WASF1: variants seen among roughly 807,000 people sequenced by gnomAD.
WASF1 encodes actin-binding protein WASF1.
WASF1 carries 7 observed loss-of-function variants against 50.5 expected under a neutral mutation model. The ratio of observed to expected loss-of-function variants is 0.14; its 90% confidence interval spans 0.08 to 0.26. The LOEUF (loss-of-function observed/expected upper bound fraction) is 0.26. WASF1 is among the 10% of genes least tolerant of loss of function. WASF1 has a pLI of 1.00. For synonymous variants in WASF1, 205 were observed against 244.0 expected (o/e 0.84, Z 1.49); for missense variants, 470 against 694.7 (o/e 0.68, Z 3.64).
At chr6:110,172,074 C>T (rs955173529) in intron 2 of WASF1, among the ~76,000 whole-genome samples, 2 of 152,206 alleles carry the variant, frequency 1.3e-5, no homozygotes, top group African/African-American at 4.8e-5. Context: ...AACGCTTTTA[C>T]ACTGTTGGTG....
chr6:110,170,270 C>A (rs1776650736), intron 2 of WASF1, among the ~76,000 whole-genome samples: 1 of 151,926 alleles, frequency 6.6e-6, no homozygotes, highest in Non-Finnish European at 1.5e-5. Context: ...TCACTCAGAC[C>A]GGAGTATAGT....
chr6:110,124,288 A>ATC (rs1562170499), intron 4 of WASF1, among the ~76,000 whole-genome samples: 3 of 95,996 alleles, frequency 3.1e-5, no homozygotes, highest in Non-Finnish European at 5.6e-5. Flanking sequence ...ATATATATAT[A>ATC]TATATATATA....
In WASF1 at chr6:110,101,728, G is replaced by A. The variant is rs142151316; in HGVS notation, c.1382C>T (p.Thr461Ile). The A allele has an allele frequency of 1.3e-3, 2,176 of 1,614,180 alleles. 7 individuals are homozygous for A. The highest frequency in any genetic ancestry group is 9.7e-3 in the Middle Eastern group (59 of 6,060). Residue 461 changes from threonine to isoleucine, a missense_variant, in exon 10 of 11, where the codon ACT (threonine) becomes ATT (isoleucine). By Grantham distance (89) the Thr-to-Ile change is moderately conservative. Around this residue, in one of 3 missense-constraint regions of WASF1, gnomAD observed 294 missense variants for 343.5 expected, o/e 0.86. Transcript: ENST00000392589. Reference protein sequence around the residue: ...PPSGLHPTPSTAPGPHVPLMP... With the variant: ...PPSGLHPTPSIAPGPHVPLMP... ...TAATGGAACATGGGGACCTGGGGCAGTAGATGGAGTTGGATGTAGCCCAGA... is the reference window on the plus strand; with the variant it reads ...TAATGGAACATGGGGACCTGGGGCAATAGATGGAGTTGGATGTAGCCCAGA...
intron 2 of WASF1, chr6:110,177,275 CATA>C (rs1478561067): frequency 5.3e-5 from 8 of 151,964 alleles, no homozygotes; most frequent in African/African-American, 1.9e-4. Flanking sequence ...ATTATCAAGT[CATA>C]ATTTTTGTTT....
intron 2 of WASF1, among the ~76,000 whole-genome samples, chr6:110,174,987 G>A (rs142823948): frequency 2.4e-4 from 36 of 152,148 alleles, no homozygotes; most frequent in South Asian, 6.2e-4. Flanking sequence ...ACAACCAAAC[G>A]CTTACAACAA....
At position 110,101,698 on chromosome 6, in the gene WASF1, G is replaced by A. The variant is rs150788183; in HGVS notation, c.1412C>T (p.Pro471Leu). Residue 471 changes from proline (P) to leucine (L), a missense_variant, in exon 10 of 11, where the codon CCT becomes CTT. By Grantham distance (98) the Pro-to-Leu change is moderately conservative (BLOSUM62 -3). This residue lies in a region of WASF1 where 294 missense variants were observed against 343.5 expected (regional missense o/e 0.86). Transcript: ENST00000392589. ...TATAACTTGTGATGGAGGAGATGGA[G>A]GCATTAATGGAACATGGGGACCTGG... ...TAPGPHVPLM[P>L]PSPPSQVIPA... 2.5e-5 allele frequency: 41 copies of A among 1,614,168 alleles called. No individual in the cohort carries two copies. The East Asian group carries it at 8.2e-4, about 32-fold the overall frequency.
intron 2 of WASF1, among the ~76,000 whole-genome samples, chr6:110,167,290 CCTT>C (rs1020107107): frequency 9.2e-5 from 14 of 151,780 alleles, no homozygotes; most frequent in African/African-American, 3.4e-4. Flanking sequence ...ACACTGTACT[CCTT>C]CTACTTATTT....
chr6:110,144,546 T>C (rs1364670833), intron 3 of WASF1, among the ~76,000 whole-genome samples: 1 of 152,250 alleles, frequency 6.6e-6, no homozygotes. Flanking sequence ...CCCATGCCTA[T>C]GTCCTGAATG....
intron 4 of WASF1, among the ~76,000 whole-genome samples, chr6:110,124,573 C>T (rs562365266): frequency 6.6e-6 from 1 of 151,854 alleles, no homozygotes; most frequent in African/African-American, 2.4e-5. Flanking sequence ...TTACCTAATA[C>T]AAAACAGAAT....
intron 2 of WASF1, among the ~76,000 whole-genome samples, chr6:110,162,814 G>A (rs1399248065): frequency 6.6e-6 from 1 of 151,614 alleles, no homozygotes; most frequent in Non-Finnish European, 1.5e-5. Context: ...ATACTTAATG[G>A]CAAGAAACTA....
At chr6:110,147,688 A>G (rs1256648227) in intron 3 of WASF1, among the ~76,000 whole-genome samples, 14 of 152,172 alleles carry the variant, frequency 9.2e-5, no homozygotes, top group Admixed American at 9.2e-4. Flanking sequence ...TAATATAACC[A>G]CTACTGAAAC....
chr6:110,107,905 G>A (rs923572388), intron 6 of WASF1, among the ~76,000 whole-genome samples: 4 of 151,946 alleles, frequency 2.6e-5, no homozygotes, highest in Non-Finnish European at 5.9e-5. Context: ...AGTGGCTCAC[G>A]CCTGTAATCC....
intron 3 of WASF1, among the ~76,000 whole-genome samples, chr6:110,145,821 T>C (rs534385625): frequency 5.3e-5 from 8 of 152,266 alleles, no homozygotes; most frequent in Admixed American, 3.3e-4. Context: ...TGAGTTCATG[T>C]CCTTTGCAGG....
Position 110,108,633 on chromosome 6 carries a change from A to C in WASF1, c.317T>G (p.Ile106Ser), listed in dbSNP as rs2093877061. The C allele has an allele frequency of 6.2e-7, 1 of 1,613,970 alleles. No individual in the cohort carries two copies. The highest frequency in any genetic ancestry group is 1.1e-5 in the South Asian group (1 of 91,080). The change falls in exon 6 of 11, where the codon ATT becomes AGT. Residue 106 changes from isoleucine (I) to serine (S), a missense_variant. Around this residue, in one of 3 missense-constraint regions of WASF1, gnomAD observed 140 missense variants for 260.5 expected, o/e 0.54. Transcript: ENST00000392589. ...GCGATCGAAAAGCTGCTGGTCTTGA[A>C]TTGTAGAACTTCGGAAAGCTTTCCT... ...TMRKAFRSST[I>S]QDQQLFDRKT... is the part of the protein sequence containing the mutation.
chr6:110,139,358 T>C (rs1405319590), intron 3 of WASF1, among the ~76,000 whole-genome samples: 1 of 152,156 alleles, frequency 6.6e-6, no homozygotes, highest in Non-Finnish European at 1.5e-5. Context: ...ACCAACTTGG[T>C]AGAGCGCAGG....
At chr6:110,161,176 T>C (rs146171222) in intron 2 of WASF1, among the ~76,000 whole-genome samples, 2 of 151,718 alleles carry the variant, frequency 1.3e-5, no homozygotes, top group East Asian at 1.9e-4. Context: ...ATTCAACAAA[T>C]ATTTTAAGTA....
intron 3 of WASF1, among the ~76,000 whole-genome samples, chr6:110,160,185 A>C (rs948455276): frequency 6.6e-6 from 1 of 151,894 alleles, no homozygotes; most frequent in Non-Finnish European, 1.5e-5. Context: ...GCTGATTTAA[A>C]ATCAAGTGTC....
intron 4 of WASF1, among the ~76,000 whole-genome samples, chr6:110,124,266 C>CTA (rs1774306927): frequency 4.8e-5 from 3 of 62,594 alleles, no homozygotes; most frequent in Non-Finnish European, 8.2e-5. Flanking sequence ...CTCTCTCTCT[C>CTA]TCTCTCTCTA....
chr6:110,125,026 G>A (rs1774358515), intron 4 of WASF1, among the ~76,000 whole-genome samples: 1 of 152,164 alleles, frequency 6.6e-6, no homozygotes, highest in Admixed American at 6.5e-5. Context: ...AGCACTTTCA[G>A]TACTAATAAT....
Sources: gnomAD v4.1 joint callset for allele counts (sites outside exome capture counted in the v4.1 genomes callset) on GRCh38, gnomAD v4.1.1 for gene constraint, gnomAD v4.1.1 regional missense constraint, MANE v1.5 for transcripts, NCBI Gene and HGNC (gene_info 2026-07-23, HGNC 2026-07-21) for gene names.